The following APP variants were observed in gnomAD, a reference collection of about 807,000 sequenced individuals.
APP encodes amyloid-beta precursor protein.
In APP, 31 loss-of-function variants were observed where a neutral mutation model predicts 101.4. The ratio of observed to expected loss-of-function variants is 0.31; its 90% CI spans 0.23 to 0.41. APP has a LOEUF of 0.41. Among genes scored for constraint, APP ranks in the 10% least tolerant of loss-of-function variants. APP has a pLI of 1.00. For missense variants in APP, 839 were observed against 1,003.7 expected, an observed-to-expected ratio of 0.84 and a Z score of 2.22; for synonymous variants, 366 against 364.4, an observed-to-expected ratio of 1.00 and a Z score of -0.05.
intron 1 of APP, among the ~76,000 whole-genome samples, chr21:26,136,207 A>AAAGAAAGAAAGAAAGAAAGAAAGAAAG (rs1273283293): frequency 2.2e-5 from 3 of 137,416 alleles, no homozygotes; most frequent in African/African-American, 8.9e-5. Flanking sequence ...GAAAGAAAAG[A>AAAGAAAGAAAGAAAGAAAGAAAGAAAG]AAAGAAAGAA....
chr21:26,080,611 A>G (rs2061578535), intron 3 of APP, among the ~76,000 whole-genome samples: 1 of 151,820 alleles, frequency 6.6e-6, no homozygotes, highest in Non-Finnish European at 1.5e-5. Flanking sequence ...TACTAAAAAT[A>G]CAAAAAAAAA....
chr21:26,021,002 T>C (rs2044310328), intron 6 of APP, among the ~76,000 whole-genome samples: 1 of 151,156 alleles, frequency 6.6e-6, no homozygotes, highest in Admixed American at 6.6e-5. Flanking sequence ...ATAAATCACC[T>C]CTGTTAAAAT....
chr21:26,040,897 T>A (rs1369479736), intron 5 of APP, among the ~76,000 whole-genome samples: 4 of 152,212 alleles, frequency 2.6e-5, no homozygotes, highest in African/African-American at 9.6e-5. Flanking sequence ...TAAGTGGCAT[T>A]AGTCTACCAC....
chr21:26,100,053 A>C (rs2062023253), intron 2 of APP, among the ~76,000 whole-genome samples: 1 of 152,220 alleles, frequency 6.6e-6, no homozygotes, highest in African/African-American at 2.4e-5. Flanking sequence ...ATGAAAAACA[A>C]ATTGTGGGTG....
In APP at chr21:25,891,826, T is replaced by C. The variant is rs775713536; in HGVS notation, c.2107A>G (p.Ile703Val). ...ACAACACCGCCCACCATGAGTCCAA[T>C]GATTGCACCTTTGTTTGAACCCACA... ...EDVGSNKGAI[I>V]GLMVGGVVIA... is the part of the protein sequence containing the mutation. The change falls in exon 17 of 18, where the codon ATT (isoleucine) becomes GTT (valine). Residue 703 changes from isoleucine (I) to valine (V), a missense_variant. By Grantham distance (29) the Ile-to-Val change is conservative. Transcript: ENST00000346798. 3 of 1,613,976 alleles carry C rather than the reference T, an allele frequency of 1.9e-6. No individual in the cohort carries two copies. In the African/African-American group the frequency reaches 4.0e-5, roughly 22 times the overall value.
chr21:26,113,253 C>CTG (rs1326817058), intron 1 of APP, among the ~76,000 whole-genome samples: 1 of 152,188 alleles, frequency 6.6e-6, no homozygotes, highest in Non-Finnish European at 1.5e-5. Flanking sequence ...CACTCAAGAA[C>CTG]TGGGTGATTC....
chr21:25,894,249 C>G (rs2037883241), intron 16 of APP, among the ~76,000 whole-genome samples: 1 of 152,212 alleles, frequency 6.6e-6, no homozygotes, highest in South Asian at 2.1e-4. Context: ...CCTGCTAACA[C>G]AACATCCATT....
chr21:26,170,250 C>T (rs2063715208), intron 1 of APP, among the ~76,000 whole-genome samples: 2 of 152,204 alleles, frequency 1.3e-5, no homozygotes, highest in South Asian at 4.1e-4. Context: ...CCCCCGACCC[C>T]CGCTTCCAAG....
intron 8 of APP, among the ~76,000 whole-genome samples, chr21:25,996,160 A>G (rs745595662): frequency 6.6e-6 from 1 of 152,234 alleles, no homozygotes; most frequent in Non-Finnish European, 1.5e-5. Flanking sequence ...TACAACTGAA[A>G]TAAAAACAAA....
intron 3 of APP, among the ~76,000 whole-genome samples, chr21:26,086,939 A>G (rs948649307): frequency 6.6e-6 from 1 of 152,178 alleles, no homozygotes; most frequent in Non-Finnish European, 1.5e-5. Context: ...AAGAAATTCA[A>G]CCTCTCTGGA....
rs143575672 is a variant in APP at position 26,113,827 on chromosome 21, G to A, written c.58-1681C>T. ...ATTCATTGTCTTGATCTTAGAAATCGAAATGCAAATGTTGTCAATCTTACT... is the reference window on the plus strand; with the variant it reads ...ATTCATTGTCTTGATCTTAGAAATCAAAATGCAAATGTTGTCAATCTTACT... On this transcript the variant is annotated intron_variant, in intron 1 of 17. Transcript: ENST00000346798. 2.0e-3 allele frequency among the ~76,000 whole-genome samples: 301 copies of A among 152,266 alleles called. 2 individuals carry two copies. Among genetic ancestry groups the A allele is most frequent in the African/African-American group, 7.0e-3 (289 of 41,556 alleles).
At chr21:26,061,199 G>A (rs1196421675) in intron 3 of APP, among the ~76,000 whole-genome samples, 1 of 152,166 alleles carries the variant, frequency 6.6e-6, no homozygotes, top group African/African-American at 2.4e-5. Context: ...AATCTAGCTT[G>A]TTTCTATTCC....
At chr21:25,992,212 A>C (rs958229405) in intron 8 of APP, among the ~76,000 whole-genome samples, 3 of 152,052 alleles carry the variant, frequency 2.0e-5, no homozygotes, top group Admixed American at 1.3e-4. Context: ...GTGAAACCCT[A>C]TCTCTACTAA....
At chr21:26,009,952 TA>T (rs376414718) in intron 6 of APP, 925 of 147,948 alleles carry the variant, frequency 6.3e-3, no homozygotes, top group South Asian at 0.02. Flanking sequence ...TGTTCCGGTT[TA>T]AAAAAAAAAA....
At chr21:25,942,379 C>T (rs1256036931) in intron 13 of APP, 1 of 152,136 alleles carries the variant, frequency 6.6e-6, no homozygotes, top group African/African-American at 2.4e-5. Flanking sequence ...ACATGGTTTT[C>T]CTGAGCCTAT....
At chr21:25,986,157 G>A (rs919588862) in intron 8 of APP, among the ~76,000 whole-genome samples, 3 of 152,092 alleles carry the variant, frequency 2.0e-5, no homozygotes, top group Non-Finnish European at 4.4e-5. Context: ...CACCCATCAA[G>A]GTACTTCCTT....
chr21:26,016,927 T>C (rs1448322675), intron 6 of APP, among the ~76,000 whole-genome samples: 2 of 49,478 alleles, frequency 4.0e-5, no homozygotes, highest in Non-Finnish European at 7.6e-5. Flanking sequence ...TCCCAGCACT[T>C]TGTGGGGGGC....
chr21:26,143,096 G>A (rs1226504558), intron 1 of APP, among the ~76,000 whole-genome samples: 4 of 151,970 alleles, frequency 2.6e-5, no homozygotes, highest in African/African-American at 9.7e-5. Flanking sequence ...AAAATGAGTG[G>A]GAAAATCAAT....
Position 26,025,122 on chromosome 21 carries a change from T to C in APP, c.663-3080A>G, listed in dbSNP as rs144916340. ...AGGTGAAATAACTGACTTTTTTTTT[T>C]GACTGCCCAAATTATTGCACGAAAG... On this transcript the variant is annotated intron_variant, in intron 5 of 17. Coordinates refer to ENST00000346798, the MANE Select transcript of APP (RefSeq NM_000484.4). Among the ~76,000 whole-genome samples, 582 of 152,286 alleles carry C rather than the reference T, an allele frequency of 3.8e-3. 8 individuals carry two copies. The highest frequency in any genetic ancestry group is 0.013 in the African/African-American group (555 of 41,542).
Sources: allele counts gnomAD v4.1 joint callset (sites outside exome capture counted in the v4.1 genomes callset), GRCh38; gene constraint gnomAD v4.1.1; transcripts MANE v1.5; gene names NCBI Gene and HGNC (gene_info 2026-07-23, HGNC 2026-07-21).